The following CHD7 variants were observed in gnomAD, a reference collection of about 807,000 sequenced individuals.
The protein encoded by CHD7 is ATP-dependent chromatin remodeler CHD7.
A neutral mutation model predicts 307.3 loss-of-function variants in CHD7; 24 were observed. The ratio of observed to expected loss-of-function variants is 0.08; its 90% CI spans 0.06 to 0.11. The LOEUF (loss-of-function observed/expected upper bound fraction) is 0.11, where lower values mean the gene tolerates loss of function less well. Ranked by LOEUF, CHD7 falls within the 10% of genes least tolerant of loss-of-function variation. The pLI, the probability that CHD7 is intolerant of heterozygous loss-of-function variation, is 1.00. For missense variants in CHD7, 3,106 were observed against 3,727.1 expected (o/e 0.83, Z 4.34); for synonymous variants, 1,363 against 1,349.9 (o/e 1.01, Z -0.21).
At chr8:60,820,166 C>T in intron 9 of CHD7, 76 bp downstream of exon 9, 1 of 903,136 alleles carries the variant, frequency 1.1e-6, no homozygotes, top group East Asian at 2.6e-5. Flanking sequence ...ATGGTAGAAT[C>T]CTAGACCTGG....
chr8:60,838,337 C>T, intron 19 of CHD7, 82 bp downstream of exon 19: 1 of 1,247,480 alleles, frequency 8.0e-7, no homozygotes, highest in Admixed American at 2.1e-5. Context: ...AAAGTGCTTA[C>T]AAGATGCATT....
intron 1 of CHD7, among the ~76,000 whole-genome samples, chr8:60,696,189 T>C (rs1049304061): frequency 1.3e-5 from 2 of 152,234 alleles, no homozygotes; most frequent in Non-Finnish European, 1.5e-5. Flanking sequence ...AATTTTTACT[T>C]TTTAATTTTT....
At chr8:60,766,455 AG>A (rs1810474069) in intron 2 of CHD7, among the ~76,000 whole-genome samples, 1 of 152,228 alleles carries the variant, frequency 6.6e-6, no homozygotes, top group South Asian at 2.1e-4. Context: ...GCATTTTGAA[AG>A]AATTGCTCAG....
chr8:60,742,501 A>G lies in CHD7; in HGVS notation c.1069A>G (p.Ser357Gly), dbSNP rs1809095447. The change falls in exon 2 of 38, where the codon AGT (serine) becomes GGT (glycine). Residue 357 changes from serine to glycine, a missense_variant. Physicochemically the swap from Ser to Gly is moderately conservative, Grantham distance 56. Coordinates refer to ENST00000423902, the MANE Select transcript of CHD7 (RefSeq NM_017780.4). The part of the protein sequence containing the change: ...YPNAVGFPSN[S>G]GQGLMHQQPI... ...CAATGCTGTAGGATTCCCATCAAAC[A>G]GTGGTCAAGGACTAATGCACCAGCA... 1.2e-6 allele frequency: 2 copies of G among 1,614,044 alleles called. No homozygotes were observed. Among genetic ancestry groups the G allele is most frequent in the South Asian group, 2.2e-5 (2 of 91,086 alleles).
chr8:60,709,053 G>A (rs1807156327), intron 1 of CHD7, among the ~76,000 whole-genome samples: 1 of 151,954 alleles, frequency 6.6e-6, no homozygotes, highest in African/African-American at 2.4e-5. Context: ...TTCCTTTTGC[G>A]GAATTCCTAA....
chr8:60,701,334 A>G (rs1806750408), intron 1 of CHD7, among the ~76,000 whole-genome samples: 1 of 152,238 alleles, frequency 6.6e-6, no homozygotes, highest in African/African-American at 2.4e-5. Context: ...GGAAAGTCTT[A>G]TAATCAGTAT....
At chr8:60,782,129 CT>C (rs1218908663) in intron 3 of CHD7, among the ~76,000 whole-genome samples, 1 of 152,186 alleles carries the variant, frequency 6.6e-6, no homozygotes, top group Non-Finnish European at 1.5e-5. Flanking sequence ...GTGAATGTTT[CT>C]TACAACTGTT....
rs181706208 is a variant in CHD7, at chr8:60,844,149, C to T, written c.4851-715C>T. ...TGTTGTGTGGTCTTACTCCATAGCT[C>T]CCAGATGAGACAGCACAGCACTGTT... On this transcript the variant is annotated intron_variant, in intron 21 of 37. Coordinates refer to ENST00000423902, the MANE Select transcript of CHD7 (RefSeq NM_017780.4). Among the ~76,000 whole-genome samples the T allele has an allele frequency of 2.7e-3, 408 of 152,288 alleles. 1 individual carries two copies. The highest frequency in any genetic ancestry group is 9.4e-3 in the African/African-American group (392 of 41,546).
chr8:60,747,018 T>C (rs1809360155), intron 2 of CHD7, among the ~76,000 whole-genome samples: 1 of 152,220 alleles, frequency 6.6e-6, no homozygotes, highest in Non-Finnish European at 1.5e-5. Context: ...GTGAGTTATA[T>C]GTATTGATAT....
chr8:60,811,388 T>A (rs1287935687), intron 7 of CHD7, among the ~76,000 whole-genome samples: 1 of 152,244 alleles, frequency 6.6e-6, no homozygotes, highest in Non-Finnish European at 1.5e-5. Flanking sequence ...CATGCAGGTA[T>A]AATTTCCTCT....
At chr8:60,682,020 A>G (rs932721602) in intron 1 of CHD7, among the ~76,000 whole-genome samples, 2 of 152,228 alleles carry the variant, frequency 1.3e-5, no homozygotes, top group African/African-American at 4.8e-5. Flanking sequence ...GGAAGGCACA[A>G]TACAGGAATG....
At position 60,824,361 on chromosome 8, in the gene CHD7, T is replaced by C. The variant is rs565935371; in HGVS notation, c.3378+345T>C. On this transcript the variant is annotated intron_variant, in intron 13 of 37. Transcript: ENST00000423902. ...AACGTTTTGAGTACCCACATAATGC[T>C]AAAAGGAAATGCTCATTGGAGCATT... is the stretch of plus-strand genomic sequence containing the variant. 55 of 347,840 alleles carry C rather than the reference T, an allele frequency of 1.6e-4. 1 individual carries two copies. The highest frequency in any genetic ancestry group is 1.5e-3 in the Middle Eastern group (2 of 1,338). The allele number at this position is 347,840 out of a possible 1,614,324, so 21.5% of individuals were successfully genotyped here. A position where few individuals can be genotyped will look rare whatever the true frequency, so the allele number is the denominator to read the frequency against.
At chr8:60,852,381 G>A in intron 29 of CHD7, 117 bp from the exon 30 acceptor site, 1 of 1,290,802 alleles carries the variant, frequency 7.7e-7, no homozygotes, top group African/African-American at 1.5e-5. Context: ...AAAGCAGTCT[G>A]TTTCCCCACC....
intron 1 of CHD7, among the ~76,000 whole-genome samples, chr8:60,682,749 T>A (rs1415435213): frequency 1.3e-5 from 2 of 152,366 alleles, no homozygotes; most frequent in Admixed American, 6.5e-5. Context: ...TAGTTATCTT[T>A]CATCTTTCAT....
At chr8:60,718,480 A>G (rs895815950) in intron 1 of CHD7, among the ~76,000 whole-genome samples, 8 of 147,786 alleles carry the variant, frequency 5.4e-5, no homozygotes, top group Admixed American at 1.3e-4. Context: ...ATCTCAAAAG[A>G]AAAAAAAAAA....
chr8:60,762,954 G>T (rs1186232989), intron 2 of CHD7, among the ~76,000 whole-genome samples: 1 of 151,588 alleles, frequency 6.6e-6, no homozygotes, highest in Non-Finnish European at 1.5e-5. Flanking sequence ...CAGGACCAAG[G>T]ATCACATGAC....
chr8:60,811,978 G>T (rs1375008218), intron 7 of CHD7, among the ~76,000 whole-genome samples: 3 of 152,118 alleles, frequency 2.0e-5, no homozygotes, highest in Non-Finnish European at 4.4e-5. Flanking sequence ...TTTGTCAGTT[G>T]TCTGTGTCTT....
chr8:60,736,409 C>G (rs1009897455), intron 1 of CHD7, among the ~76,000 whole-genome samples: 57 of 152,098 alleles, frequency 3.7e-4, no homozygotes, highest in African/African-American at 1.3e-3. Flanking sequence ...GTCCACCTAC[C>G]AGTGTGTGGA....
intron 15 of CHD7, among the ~76,000 whole-genome samples, chr8:60,831,346 A>G (rs886410443): frequency 6.6e-6 from 1 of 152,070 alleles, no homozygotes; most frequent in Non-Finnish European, 1.5e-5. Flanking sequence ...GGATTTTGCG[A>G]GGCAGAGTTA....
Sources: allele counts gnomAD v4.1 joint callset (sites outside exome capture counted in the v4.1 genomes callset), GRCh38; gene constraint gnomAD v4.1.1; transcripts MANE v1.5; gene names NCBI Gene and HGNC (gene_info 2026-07-23, HGNC 2026-07-21).